C4orf50: variants seen among roughly 807,000 people sequenced by gnomAD.
The protein encoded by C4orf50 is chromosome 4 open reading frame 50.
Under a neutral mutation model 77.2 loss-of-function variants are expected in C4orf50, and 80 were observed. The ratio of observed to expected loss-of-function variants is 1.04; its 90% CI spans 0.87 to 1.25. C4orf50 has a LOEUF of 1.25. Among genes scored for constraint, C4orf50 ranks in the 50% most tolerant of loss-of-function variants. The pLI is 0.00. For synonymous variants in C4orf50, 532 were observed against 465.3 expected, an observed-to-expected ratio of 1.14 and a Z score of -1.84; for missense variants, 1,257 against 1,152.9, an observed-to-expected ratio of 1.09 and a Z score of -1.31.
At chr4:5,973,908 G>C (rs1017041612) in intron 30 of C4orf50, 67 bp from the exon 9 acceptor site, 6 of 1,320,102 alleles carry the variant, frequency 4.5e-6, no homozygotes, top group Non-Finnish European at 6.2e-6. Flanking sequence ...TGGAGGGCTG[G>C]GGGCCGGAGG....
chr4:5,920,242 G>C (rs1297620619), intron 7 of C4orf50, among the ~76,000 whole-genome samples: 1 of 152,174 alleles, frequency 6.6e-6, no homozygotes, highest in Non-Finnish European at 1.5e-5. Flanking sequence ...GCTCTGGAAC[G>C]AGACTGCCAG....
intron 7 of C4orf50, among the ~76,000 whole-genome samples, chr4:5,907,027 C>T (rs1716578587): frequency 6.6e-6 from 1 of 152,120 alleles, no homozygotes; most frequent in Non-Finnish European, 1.5e-5. Flanking sequence ...CAATGAGTTC[C>T]ATGCTATGCT....
At chr4:6,002,925 G>A (rs1721896117) in intron 25 of C4orf50, among the ~76,000 whole-genome samples, 2 of 152,208 alleles carry the variant, frequency 1.3e-5, no homozygotes, top group Non-Finnish European at 2.9e-5. Context: ...CACCTACCTG[G>A]CCATGTCGCT....
At chr4:5,959,880 C>T (rs917540924) in intron 33 of C4orf50, among the ~76,000 whole-genome samples, 9 of 152,224 alleles carry the variant, frequency 5.9e-5, no homozygotes, top group Non-Finnish European at 1.2e-4. Flanking sequence ...CTCTCCACGT[C>T]ATGTGGCAGG....
chr4:5,979,755 C>T (rs1273037897), intron 29 of C4orf50, among the ~76,000 whole-genome samples: 1 of 152,168 alleles, frequency 6.6e-6, no homozygotes, highest in Non-Finnish European at 1.5e-5. Flanking sequence ...TTGAAATGGC[C>T]ACAATTCACT....
intron 7 of C4orf50, among the ~76,000 whole-genome samples, chr4:5,929,729 G>T (rs1027351136): frequency 2.6e-5 from 4 of 152,228 alleles, no homozygotes; most frequent in African/African-American, 9.6e-5. Flanking sequence ...GCCCTAAAAG[G>T]CACTTGTGAA....
chr4:5,931,621 C>T (rs916877204), intron 7 of C4orf50, among the ~76,000 whole-genome samples: 2 of 152,154 alleles, frequency 1.3e-5, no homozygotes, highest in African/African-American at 2.4e-5. Flanking sequence ...GGCTGTTTTC[C>T]TCCTGTCCTT....
Position 6,008,785 on chromosome 4 carries a change from C to A in C4orf50, c.427-253G>T, listed in dbSNP as rs1453627222. ...CTGCACCTTCAACAGCTCCCTGAGT[C>A]CTGGAAGGGAGCTGTGCAGGTGGCA... is the stretch of plus-strand genomic sequence containing the variant. On this transcript the variant is annotated intron_variant, in intron 24 of 33. Coordinates refer to ENST00000531445, the Ensembl canonical transcript of C4orf50. The surrounding 1 kb of genome is among the most constrained non-coding windows in gnomAD (Gnocchi z 6.0). 6.6e-6 allele frequency among the ~76,000 whole-genome samples: 1 copy of A among 152,172 alleles called. No homozygotes were observed. Among genetic ancestry groups the A allele is most frequent in the Non-Finnish European group, 1.5e-5 (1 of 68,032 alleles).
intron 23 of C4orf50, among the ~76,000 whole-genome samples, chr4:6,012,308 T>G (rs1028990821): frequency 1.3e-5 from 2 of 152,094 alleles, no homozygotes; most frequent in East Asian, 1.9e-4. Context: ...TTTCAATGAA[T>G]CCTCACATTA....
chr4:5,907,183 T>C (rs997985642), intron 7 of C4orf50, among the ~76,000 whole-genome samples: 1 of 151,916 alleles, frequency 6.6e-6, no homozygotes, highest in Non-Finnish European at 1.5e-5. Flanking sequence ...GTGGGTGATA[T>C]CAAACACAAG....
chr4:6,008,436 C>A lies in C4orf50; in HGVS notation c.523G>T (p.Ala175Ser), dbSNP rs1264230414. The change falls in exon 25 of 34, where the codon GCG becomes TCG. Residue 175 changes from alanine to serine, a missense_variant. Physicochemically the swap from Ala to Ser is moderately conservative, Grantham distance 99. Transcript: ENST00000531445. The surrounding 1 kb of genome is among the most constrained non-coding windows in gnomAD (Gnocchi z 6.0). ...GTCCGCCGGCAGCGCTCCAGGGCCG[C>A]CGCCTGCTGCCCCAGTGCCTCGTCC... 5.0e-6 allele frequency: 2 copies of A among 396,572 alleles called. No individual in the cohort carries two copies. Among genetic ancestry groups the A allele is most frequent in the Admixed American group, 4.4e-5 (1 of 22,638 alleles). 24.6% of individuals were successfully genotyped at this position (396,572 alleles called of 1,614,324 possible).
At position 6,000,897 on chromosome 4, in the gene C4orf50, C is replaced by T. The variant is rs1325075255; in HGVS notation, c.964-6421G>A. On this transcript the variant is annotated intron_variant, in intron 25 of 33. Transcript: ENST00000531445. The surrounding 1 kb of genome is among the most constrained non-coding windows in gnomAD (Gnocchi z 6.0). ...CCCCCCAAAACTCATCCGTTAAAAC[C>T]CATATCCCCAAAGGGATGTTATTAG... Among the ~76,000 whole-genome samples, 1 of 152,190 alleles carries T rather than the reference C, an allele frequency of 6.6e-6. No individual in the cohort carries two copies. The highest frequency in any genetic ancestry group is 2.4e-5 in the African/African-American group (1 of 41,458).
At chr4:5,921,520 C>G (rs1043665416) in intron 7 of C4orf50, among the ~76,000 whole-genome samples, 2 of 152,164 alleles carry the variant, frequency 1.3e-5, no homozygotes, top group African/African-American at 4.8e-5. Flanking sequence ...TTAGAGTTGG[C>G]TTCCAGCTGA....
intron 7 of C4orf50, among the ~76,000 whole-genome samples, chr4:5,933,600 G>A (rs193267997): frequency 9.8e-5 from 15 of 152,308 alleles, no homozygotes; most frequent in African/African-American, 2.4e-4. Flanking sequence ...ACCAGCACTC[G>A]GCCAGCACAG....
chr4:6,002,594 G>A (rs1441948331), intron 25 of C4orf50, among the ~76,000 whole-genome samples: 1 of 152,176 alleles, frequency 6.6e-6, no homozygotes. Flanking sequence ...CCCTAGGCCT[G>A]TGGCTGGCTG....
chr4:5,988,302 C>T (rs571373451), intron 28 of C4orf50, 45 bp downstream of exon 6: 1 of 1,588,650 alleles, frequency 6.3e-7, no homozygotes, highest in African/African-American at 1.3e-5. Flanking sequence ...GCCCCCGGAA[C>T]AGAGTCATGC....
intron 7 of C4orf50, among the ~76,000 whole-genome samples, chr4:5,935,783 C>G (rs1193995665): frequency 2.2e-5 from 1 of 45,068 alleles, no homozygotes; most frequent in African/African-American, 1.5e-4. Flanking sequence ...GAGACTCCGT[C>G]TAAAAAAAAA....
In C4orf50 at chr4:6,008,584, G is replaced by A; in HGVS notation, c.427-52C>T. The A allele has an allele frequency of 2.5e-6, 1 of 396,802 alleles. No homozygotes were observed. Among genetic ancestry groups the A allele is most frequent in the African/African-American group, 2.1e-5 (1 of 48,630 alleles). The allele number at this position is 396,802 out of a possible 1,614,324, so 24.6% of individuals were successfully genotyped here. ...TCAGCAAGCCCAAAGGACACACCATGGTTCACATTGGTCCTGTCTTGACTT... is the reference window on the plus strand; with the variant it reads ...TCAGCAAGCCCAAAGGACACACCATAGTTCACATTGGTCCTGTCTTGACTT... On this transcript the variant is annotated intron_variant, in intron 24 of 33. Coordinates refer to ENST00000531445, the Ensembl canonical transcript of C4orf50. This position sits in a 1 kb window ranked among gnomAD's most constrained non-coding sequence, Gnocchi z 6.0.
intron 7 of C4orf50, chr4:5,902,327 C>G (rs1323595064): frequency 1.3e-5 from 2 of 152,204 alleles, no homozygotes; most frequent in African/African-American, 2.4e-5. Flanking sequence ...ATATTTTCCC[C>G]ACTAAACAAT....
Sources: gnomAD v4.1 joint callset for allele counts (sites outside exome capture counted in the v4.1 genomes callset) on GRCh38, gnomAD v4.1.1 for gene constraint, Gnocchi (gnomAD v3.1) non-coding constraint, MANE v1.5 for transcripts, NCBI Gene and HGNC (gene_info 2026-07-23, HGNC 2026-07-21) for gene names.